Variants in CCDC7 observed in about 807,000 individuals in gnomAD.
CCDC7 encodes the protein coiled-coil domain-containing protein 7.
In CCDC7, 183 loss-of-function variants were observed where a neutral mutation model predicts 196.9. The observed-to-expected ratio is 0.93, with a 90% CI of 0.82 to 1.05. CCDC7 has a LOEUF of 1.05. Ranked by LOEUF, CCDC7 falls within the 50% of genes least tolerant of loss-of-function variation. The probability of loss-of-function intolerance (pLI) is 0.00; values close to 1 mark genes in which losing one functional copy is unlikely to be tolerated. For synonymous variants in CCDC7, 525 were observed against 484.6 expected, an observed-to-expected ratio of 1.08 and a Z score of -1.10; for missense variants, 1,540 against 1,482.2, an observed-to-expected ratio of 1.04 and a Z score of -0.64.
At chr10:32,574,523 CATG>C (rs773928761) in intron 16 of CCDC7, 9 of 1,484,462 alleles carry the variant, frequency 6.1e-6, no homozygotes, top group Non-Finnish European at 8.1e-6. Context: ...TGAGCAGATA[CATG>C]GTATTGCTTA....
In CCDC7 at chr10:32,743,991, G is replaced by C. The variant is rs369131200; in HGVS notation, c.2905+14534G>C. 8.3e-4 allele frequency among the ~76,000 whole-genome samples: 99 copies of C among 118,666 alleles called. 1 individual carries two copies. In the East Asian group the frequency reaches 0.021, roughly 25 times the overall value. 77.8% of individuals were successfully genotyped at this position (118,666 alleles called of 152,430 possible). A position where few individuals can be genotyped will look rare whatever the true frequency, so the allele number is the denominator to read the frequency against. On this transcript the variant is annotated intron_variant, in intron 28 of 41. Coordinates refer to ENST00000639629, the Ensembl canonical transcript of CCDC7. ...CATCACACACCGGGGCCTGTTGTGG[G>C]GTGGGGGGAGGGGGGAGGGATAGCA...
At chr10:32,535,510 C>T (rs2050331962) in intron 11 of CCDC7, among the ~76,000 whole-genome samples, 1 of 151,984 alleles carries the variant, frequency 6.6e-6, no homozygotes, top group South Asian at 2.1e-4. Flanking sequence ...GTGTGGGGTG[C>T]TTACAGGTCA....
rs536190608 is a variant in CCDC7 at position 32,473,207 on chromosome 10, C to A, written c.739+665C>A. Among the ~76,000 whole-genome samples the A allele has an allele frequency of 3.9e-5, 6 of 152,172 alleles. No individual in the cohort carries two copies. The South Asian group carries it at 6.2e-4, about 16-fold the overall frequency. On this transcript the variant is annotated intron_variant, in intron 7 of 41. Coordinates refer to ENST00000639629, the Ensembl canonical transcript of CCDC7. ...AAGGTATGTGGAATTTGCATTGGGT[C>A]CACAGAAAGGAGCAATCTGTTCAAC...
chr10:32,688,134 G>A (rs148212348), intron 22 of CCDC7, among the ~76,000 whole-genome samples: 2 of 151,970 alleles, frequency 1.3e-5, no homozygotes, highest in African/African-American at 2.4e-5. Context: ...CAGAATGAGG[G>A]GCTCTGTTGT....
intron 24 of CCDC7, among the ~76,000 whole-genome samples, chr10:32,701,546 A>T (rs1439219454): frequency 2.0e-5 from 3 of 152,288 alleles, no homozygotes; most frequent in East Asian, 3.9e-4. Context: ...TGAGTTAGGG[A>T]GGATTCCCTC....
chr10:32,619,792 T>A (rs1432294964), intron 18 of CCDC7, among the ~76,000 whole-genome samples: 1 of 151,810 alleles, frequency 6.6e-6, no homozygotes, highest in Non-Finnish European at 1.5e-5. Flanking sequence ...TGAGACAAGG[T>A]CTTGCTATGT....
At chr10:32,633,466 GT>G (rs1285022502) in intron 18 of CCDC7, among the ~76,000 whole-genome samples, 2 of 151,920 alleles carry the variant, frequency 1.3e-5, no homozygotes, top group African/African-American at 4.8e-5. Context: ...TCCTCAATTT[GT>G]TTTAGAATTG....
chr10:32,723,229 G>A (rs751186194), intron 25 of CCDC7, among the ~76,000 whole-genome samples: 50 of 152,238 alleles, frequency 3.3e-4, no homozygotes, highest in Admixed American at 1.5e-3. Context: ...TGGTCCTGGA[G>A]AGAGTGCGTG....
At chr10:32,561,812 GA>G (rs2055712078) in intron 13 of CCDC7, among the ~76,000 whole-genome samples, 1 of 152,146 alleles carries the variant, frequency 6.6e-6, no homozygotes, top group Non-Finnish European at 1.5e-5. Context: ...GAGCAGAACT[GA>G]AGGAAATAGA....
At chr10:32,597,761 G>A (rs1019585465) in intron 18 of CCDC7, among the ~76,000 whole-genome samples, 29 of 152,330 alleles carry the variant, frequency 1.9e-4, no homozygotes, top group African/African-American at 6.3e-4. Context: ...GTCAGCTGCC[G>A]GTCTCTTGGG....
chr10:32,689,697 TGA>T (rs1491521978), intron 23 of CCDC7, among the ~76,000 whole-genome samples: 1 of 151,762 alleles, frequency 6.6e-6, no homozygotes, highest in East Asian at 1.9e-4. Flanking sequence ...ATAGGGAAAA[TGA>T]GAGTGTATTT....
intron 11 of CCDC7, among the ~76,000 whole-genome samples, chr10:32,531,221 C>A (rs992815847): frequency 2.0e-5 from 3 of 152,056 alleles, no homozygotes; most frequent in African/African-American, 4.8e-5. Flanking sequence ...CTCCTGGGCT[C>A]AAGCAATCCT....
intron 16 of CCDC7, among the ~76,000 whole-genome samples, chr10:32,582,138 AT>A (rs2058805737): frequency 4.9e-5 from 6 of 121,358 alleles, no homozygotes; most frequent in African/African-American, 2.1e-4. Flanking sequence ...ATATATATAT[AT>A]ACTTTTTTTT....
intron 2 of CCDC7, among the ~76,000 whole-genome samples, chr10:32,455,685 T>G (rs1225917429): frequency 6.6e-6 from 1 of 152,232 alleles, no homozygotes; most frequent in Non-Finnish European, 1.5e-5. Context: ...AAATCCTAAC[T>G]GTATATAAGC....
intron 2 of CCDC7, among the ~76,000 whole-genome samples, chr10:32,455,346 G>GC (rs2034098596): frequency 6.6e-6 from 1 of 150,986 alleles, no homozygotes; most frequent in Non-Finnish European, 1.5e-5. Flanking sequence ...ACAGAGTCTC[G>GC]CTGTGTCACC....
intron 16 of CCDC7, chr10:32,574,374 A>G (rs532134666): frequency 1.4e-6 from 2 of 1,433,348 alleles, no homozygotes; most frequent in East Asian, 2.7e-5. Context: ...AATTCAAACT[A>G]TTAAGCACAT....
intron 13 of CCDC7, among the ~76,000 whole-genome samples, chr10:32,549,817 C>T (rs1209940613): frequency 6.6e-6 from 1 of 152,084 alleles, no homozygotes; most frequent in Non-Finnish European, 1.5e-5. Context: ...TGACTATGGC[C>T]TTATAGTATA....
intron 9 of CCDC7, among the ~76,000 whole-genome samples, chr10:32,503,016 T>C (rs141422331): frequency 6.6e-6 from 1 of 152,322 alleles, no homozygotes; most frequent in African/African-American, 2.4e-5. Context: ...TCCTGCAACT[T>C]TGTTGGATTC....
chr10:32,562,064 G>C (rs957497121), intron 13 of CCDC7, among the ~76,000 whole-genome samples: 5 of 152,088 alleles, frequency 3.3e-5, no homozygotes, highest in Non-Finnish European at 7.4e-5. Context: ...AAATGGATAA[G>C]TTCCTCGACA....
Sources: allele counts gnomAD v4.1 joint callset (sites outside exome capture counted in the v4.1 genomes callset), GRCh38; gene constraint gnomAD v4.1.1; transcripts MANE v1.5; gene names NCBI Gene and HGNC (gene_info 2026-07-23, HGNC 2026-07-21).